The following PKD1 variants were observed in gnomAD, a reference collection of about 807,000 sequenced individuals.
PKD1 encodes polycystin 1, transient receptor potential channel interacting, also known as polycystin-1.
A neutral mutation model predicts 361.7 loss-of-function variants in PKD1; 81 were observed. The ratio of observed to expected loss-of-function variants is 0.22; its 90% CI spans 0.19 to 0.27. The LOEUF (loss-of-function observed/expected upper bound fraction) is 0.27, where lower values mean the gene tolerates loss of function less well. Among genes scored for constraint, PKD1 ranks in the 10% least tolerant of loss-of-function variants. The probability of loss-of-function intolerance (pLI) is 1.00; values close to 1 mark genes in which losing one functional copy is unlikely to be tolerated. For missense variants in PKD1, 6,399 were observed against 6,118.3 expected (o/e 1.05, Z -1.53); for synonymous variants, 3,615 against 2,818.3 (o/e 1.28, Z -8.95).
chr16:2,113,316 T>A (rs779678394), intron 11 of PKD1, 24 bp from the exon 12 acceptor site: 5 of 1,595,332 alleles, frequency 3.1e-6, no homozygotes, highest in Admixed American at 1.7e-5. Flanking sequence ...GGTGTCAGCC[T>A]GGGCTCTGTG....
Position 2,106,967 on chromosome 16 carries a change from T to G in PKD1, c.7066-19A>C. The G allele has an allele frequency of 1.3e-6, 2 of 1,581,516 alleles. No homozygotes were observed. The highest frequency in any genetic ancestry group is 2.3e-4 in the Middle Eastern group (1 of 4,408). ...TCAGCACCTGGCGTGGGAGTGGGGT[T>G]ACCTCCAACACAGGTCTATTTGGCC... On this transcript the variant is annotated intron_variant, in intron 16 of 45. Coordinates refer to ENST00000262304, the MANE Select transcript of PKD1 (RefSeq NM_001009944.3). The surrounding 1 kb of genome is among the most constrained non-coding windows in gnomAD (Gnocchi z 6.5).
chr16:2,099,476 C>A, intron 30 of PKD1, 168 bp downstream of exon 30: 2 of 708,144 alleles, frequency 2.8e-6, no homozygotes, highest in Non-Finnish European at 5.0e-6. Flanking sequence ...TTCTCTCTTT[C>A]TCCCTGGTCA....
intron 20 of PKD1, 118 bp from the exon 21 acceptor site, chr16:2,105,592 C>T (rs1033160718): frequency 4.4e-5 from 70 of 1,588,856 alleles, no homozygotes; most frequent in Non-Finnish European, 5.6e-5. Flanking sequence ...GATGCGGGCA[C>T]TGACCCACAA....
rs2091983470 is a variant in PKD1, at chr16:2,099,223, A to G, written c.10050+421T>C. The stretch of plus-strand genomic sequence containing the variant: ...CAGATCCGCCCACCTCGGCCACCTG[A>G]AGTGTTGGGATTACAGGCGTGAGCC... On this transcript the variant is annotated intron_variant, in intron 30 of 45. Transcript: ENST00000262304. 3 of 350,502 alleles carry G rather than the reference A, an allele frequency of 8.6e-6. No homozygotes were observed. The Admixed American group carries it at 1.2e-4, about 14-fold the overall frequency. 21.7% of individuals were successfully genotyped at this position (350,502 alleles called of 1,614,324 possible).
chr16:2,109,016 G>A lies in PKD1; in HGVS notation c.6151C>T (p.Arg2051Cys), dbSNP rs376069979. The A allele has an allele frequency of 1.1e-4, 185 of 1,610,402 alleles. No homozygotes were observed. The highest frequency in any genetic ancestry group is 1.1e-3 in the South Asian group (101 of 91,004). ...TCCTGAACCTCCAGCACCAGCGTGC[G>A]GTTCTCACTGCCCAGGGCGTTGAAG... The part of the protein sequence containing the change: ...RAFNALGSEN[R>C]TLVLEVQDAV... The change falls in exon 15 of 46, where the codon CGC (arginine) becomes TGC (cysteine). Residue 2051 changes from arginine to cysteine, a missense_variant. Coordinates refer to ENST00000262304, the MANE Select transcript of PKD1 (RefSeq NM_001009944.3).
In PKD1 at chr16:2,111,360, G is replaced by A. The variant is rs768113041; in HGVS notation, c.3807C>T (p.Asn1269=). The A allele has an allele frequency of 8.1e-6, 13 of 1,610,732 alleles. No homozygotes were observed. Among genetic ancestry groups the A allele is most frequent in the Non-Finnish European group, 1.0e-5 (12 of 1,179,442 alleles). The change falls in exon 15 of 46, where the codon AAC becomes AAT. Residue 1269 remains asparagine (N), a synonymous_variant. Coordinates refer to ENST00000262304, the MANE Select transcript of PKD1 (RefSeq NM_001009944.3). ...TVEHVYLRAQ[N]CTVTVGAASP... is the part of the protein sequence containing the mutation. ...TGGCCGCACCCACGGTCACTGTGCA[G>A]TTCTGTGCCCGCAGGTACACATGCT...
rs1209701736 is a variant in PKD1, at chr16:2,107,994, G to A, written c.6954C>T (p.Arg2318=). ...GTGGAATGGTGACCGTGCTGCTCCC[G>A]CGGGGCCCAAAGTTCAGCGCACACC... ...AGGCALNFGP[R]GSSTVTIPRE... is the part of the protein sequence containing the mutation. The change falls in exon 16 of 46, where the codon CGC becomes CGT. Residue 2318 remains arginine, a synonymous_variant. Transcript: ENST00000262304. 20 of 1,548,076 alleles carry A rather than the reference G, an allele frequency of 1.3e-5. No homozygotes were observed. In the Admixed American group the frequency reaches 1.6e-4, roughly 12 times the overall value.
At chr16:2,107,776 G>C (rs1014430877) in intron 16 of PKD1, 107 bp downstream of exon 16, 11 of 1,046,292 alleles carry the variant, frequency 1.1e-5, no homozygotes, top group East Asian at 2.6e-5. Context: ...CAGAAACAGA[G>C]AGGGGAGAGC....
intron 1 of PKD1, among the ~76,000 whole-genome samples, chr16:2,121,805 C>T (rs1177933749): frequency 1.3e-5 from 2 of 152,342 alleles, no homozygotes; most frequent in East Asian, 1.9e-4. Flanking sequence ...ACCCCGAGGC[C>T]TCACCTCCTG....
intron 1 of PKD1, chr16:2,120,179 T>C (rs2092697596): frequency 2.7e-6 from 1 of 374,358 alleles, no homozygotes; most frequent in Non-Finnish European, 4.8e-6. Flanking sequence ...ATCACTGTAC[T>C]CCAGCCTGGG....
chr16:2,097,537 G>C, intron 32 of PKD1, 34 bp from the exon 33 acceptor site: 10 of 1,602,758 alleles, frequency 6.2e-6, no homozygotes, highest in Non-Finnish European at 7.6e-6. Context: ...GGTACCAGGG[G>C]ATGTGTCACA....
intron 37 of PKD1, chr16:2,093,309 T>C: frequency 1.5e-6 from 1 of 682,664 alleles, no homozygotes; most frequent in South Asian, 1.8e-5. Flanking sequence ...GCAGTGGTGC[T>C]TAGGGGCCTT....
rs778244559 is a variant in PKD1, at chr16:2,110,771, C to T, written c.4396G>A (p.Val1466Met). The T allele has an allele frequency of 2.2e-5, 35 of 1,610,666 alleles. No individual in the cohort carries two copies. The highest frequency in any genetic ancestry group is 1.5e-4 in the Admixed American group (9 of 60,000). The change falls in exon 15 of 46, where the codon GTG (valine) becomes ATG (methionine). Residue 1466 changes from valine to methionine, a missense_variant. Coordinates refer to ENST00000262304, the MANE Select transcript of PKD1 (RefSeq NM_001009944.3). ...DSALVEVQEPVLVTSIKVNGS... is the reference protein window; with the variant it reads ...DSALVEVQEPMLVTSIKVNGS... ...TTGACCTTGATGCTGGTGACCAGCA[C>T]GGGCTCCTGCACCTCCACCAGGGCT...
rs766735199 is a variant in PKD1, at chr16:2,102,951, T to C, written c.8811A>G (p.Glu2937=). 6.2e-7 allele frequency: 1 copy of C among 1,606,658 alleles called. No individual in the cohort carries two copies. Among genetic ancestry groups the C allele is most frequent in the South Asian group, 1.1e-5 (1 of 90,988 alleles). Residue 2937 remains glutamate, a synonymous_variant, in exon 24 of 46, where the codon GAA becomes GAG. Transcript: ENST00000262304. ...TLLDGHYLSE[E]PEPYLAVYLH... is the part of the protein sequence containing the mutation. Reference sequence around the variant, plus strand: ...GGTAGACTGCCAGGTAGGGCTCAGGTTCCTCAGACAGGTAGTGGCCTGGGG... The same window carrying C: ...GGTAGACTGCCAGGTAGGGCTCAGGCTCCTCAGACAGGTAGTGGCCTGGGG...
At chr16:2,103,063 G>T in intron 23 of PKD1, 93 bp from the exon 24 acceptor site, 1 of 1,424,862 alleles carries the variant, frequency 7.0e-7, no homozygotes, top group Non-Finnish European at 9.7e-7. Flanking sequence ...CCTCTGCCAC[G>T]GGCCTGAAAG....
rs1310936942 is a variant in PKD1, at chr16:2,108,912, G to T, written c.6255C>A (p.Pro2085=). 1.1e-5 allele frequency: 18 copies of T among 1,588,628 alleles called. No homozygotes were observed. The highest frequency in any genetic ancestry group is 1.5e-5 in the Non-Finnish European group (18 of 1,169,362). The change falls in exon 15 of 46, where the codon CCC becomes CCA. Residue 2085 remains proline, a synonymous_variant. Transcript: ENST00000262304. Reference sequence around the variant, plus strand: ...AGTGGTAGGCCACACGCCGGGGGCTGGGGCTGGTGGCGGCCTCAAACTGCG... The same window carrying T: ...AGTGGTAGGCCACACGCCGGGGGCTTGGGCTGGTGGCGGCCTCAAACTGCG... ...RSAQFEAATS[P]SPRRVAYHWD...
chr16:2,135,244 C>T (rs1275087777), intron 1 of PKD1: 125 of 985,156 alleles, frequency 1.3e-4, no homozygotes, highest in Non-Finnish European at 1.4e-4. Context: ...CTGGCGTCTG[C>T]AGAGCCCCCG....
chr16:2,091,415 G>T lies in PKD1; in HGVS notation c.11712+8C>A, dbSNP rs965933883. The T allele has an allele frequency of 3.4e-5, 39 of 1,142,056 alleles. 1 individual carries two copies. Among genetic ancestry groups the T allele is most frequent in the Admixed American group, 5.1e-5 (1 of 19,760 alleles). 70.7% of individuals were successfully genotyped at this position (1,142,056 alleles called of 1,614,324 possible). On this transcript the variant is annotated splice_region_variant and intron_variant, in intron 42 of 45. Transcript: ENST00000262304. ...GGAGGCGCGGGGTCTGGCCGGGGAC[G>T]GGCGTACCGAGGTGAGCAGAGGCAG...
intron 41 of PKD1, 88 bp from the exon 42 acceptor site, chr16:2,091,685 G>T: frequency 6.4e-7 from 1 of 1,565,454 alleles, no homozygotes; most frequent in Non-Finnish European, 8.6e-7. Flanking sequence ...AGGGGCTGTG[G>T]AAGCCGCCTA....
Sources: allele counts gnomAD v4.1 joint callset (sites outside exome capture counted in the v4.1 genomes callset), GRCh38; gene constraint gnomAD v4.1.1; non-coding constraint Gnocchi (gnomAD v3.1); transcripts MANE v1.5; gene names NCBI Gene and HGNC (gene_info 2026-07-23, HGNC 2026-07-21).